Variants in GOLM2 observed in about 807,000 individuals in gnomAD.
The protein encoded by GOLM2 is protein GOLM2.
A neutral mutation model predicts 55.9 loss-of-function variants in GOLM2; 26 were observed. The observed-to-expected ratio is 0.47, with a 90% CI of 0.34 to 0.65. The LOEUF is 0.65. GOLM2 is among the 30% of genes least tolerant of loss of function. GOLM2 has a pLI of 0.01. For missense variants in GOLM2, 486 were observed against 531.8 expected (o/e 0.91, Z 0.85); for synonymous variants, 165 against 194.6 (o/e 0.85, Z 1.27).
intron 1 of GOLM2, among the ~76,000 whole-genome samples, chr15:44,291,306 T>A (rs2078719409): frequency 6.6e-6 from 1 of 152,140 alleles, no homozygotes; most frequent in Non-Finnish European, 1.5e-5. Context: ...TCAGTTTGTT[T>A]CACTTTTTAC....
At chr15:44,350,992 G>A (rs1455864113) in intron 6 of GOLM2, among the ~76,000 whole-genome samples, 2 of 152,058 alleles carry the variant, frequency 1.3e-5, no homozygotes, top group African/African-American at 4.8e-5. Context: ...CATAATAAAA[G>A]CCATATGTGG....
intron 9 of GOLM2, among the ~76,000 whole-genome samples, chr15:44,410,247 G>A (rs2079628622): frequency 6.6e-6 from 1 of 152,034 alleles, no homozygotes; most frequent in Non-Finnish European, 1.5e-5. Flanking sequence ...GACCATCCTG[G>A]CTAACACGGT....
intron 6 of GOLM2, chr15:44,348,616 G>C (rs577483392): frequency 2.0e-5 from 3 of 152,256 alleles, no homozygotes; most frequent in Non-Finnish European, 4.4e-5. Flanking sequence ...CACAAGCCCA[G>C]CTGGCTTCAT....
chr15:44,325,569 C>T (rs759280282), intron 2 of GOLM2, among the ~76,000 whole-genome samples: 20 of 152,166 alleles, frequency 1.3e-4, no homozygotes, highest in South Asian at 6.2e-4. Flanking sequence ...CCCTTTTTCC[C>T]GAGGAGAATG....
At chr15:44,319,303 T>C (rs1203733708) in intron 1 of GOLM2, among the ~76,000 whole-genome samples, 1 of 152,160 alleles carries the variant, frequency 6.6e-6, no homozygotes, top group East Asian at 1.9e-4. Context: ...ACTCCTGACT[T>C]CTGGGCTCAA....
intron 1 of GOLM2, among the ~76,000 whole-genome samples, chr15:44,310,862 C>T (rs1355585065): frequency 1.3e-5 from 2 of 152,124 alleles, no homozygotes; most frequent in East Asian, 1.9e-4. Context: ...ACTAAAAATA[C>T]AAAAATTAGC....
chr15:44,311,667 T>C (rs2078876073), intron 1 of GOLM2, among the ~76,000 whole-genome samples: 1 of 152,142 alleles, frequency 6.6e-6, no homozygotes, highest in Admixed American at 6.5e-5. Flanking sequence ...TGTGTGTGTG[T>C]GTGATGGAGT....
At position 44,329,637 on chromosome 15, in the gene GOLM2, C is replaced by T. The variant is rs370197328; in HGVS notation, c.485+850C>T. 1.2e-4 allele frequency among the ~76,000 whole-genome samples: 19 copies of T among 152,238 alleles called. No individual in the cohort carries two copies. The East Asian group carries it at 3.3e-3, about 26-fold the overall frequency. On this transcript the variant is annotated intron_variant, in intron 3 of 9. Coordinates refer to ENST00000299957, the MANE Select transcript of GOLM2 (RefSeq NM_138423.4). ...ACAGGCTAGGTTATGGTGGTTCACACCTGTAATCCTAACACTTTGGGAGGC... is the reference window on the plus strand; with the variant it reads ...ACAGGCTAGGTTATGGTGGTTCACATCTGTAATCCTAACACTTTGGGAGGC...
intron 6 of GOLM2, among the ~76,000 whole-genome samples, chr15:44,369,072 TATATATATATATATATATATA>T (rs2079308001): frequency 3.7e-5 from 1 of 27,330 alleles, no homozygotes; most frequent in Non-Finnish European, 6.2e-5. Context: ...ATATATTATA[TATATATATATATATATATATA>T]TATATATATA....
chr15:44,382,568 C>T (rs1286570587), intron 8 of GOLM2, among the ~76,000 whole-genome samples: 3 of 152,072 alleles, frequency 2.0e-5, no homozygotes, highest in Non-Finnish European at 4.4e-5. Context: ...CTCAGGTGAT[C>T]CGCCCGCCTC....
chr15:44,356,947 A>T (rs1184373754), intron 6 of GOLM2, among the ~76,000 whole-genome samples: 2 of 152,082 alleles, frequency 1.3e-5, no homozygotes, highest in African/African-American at 4.8e-5. Context: ...AAGGTGGGCA[A>T]ATTGCTTGAG....
At chr15:44,353,593 G>A (rs2079178567) in intron 6 of GOLM2, among the ~76,000 whole-genome samples, 1 of 152,106 alleles carries the variant, frequency 6.6e-6, no homozygotes, top group African/African-American at 2.4e-5. Flanking sequence ...GTACTATTTA[G>A]CCTTAAAAAA....
chr15:44,310,031 A>G (rs549588389), intron 1 of GOLM2, among the ~76,000 whole-genome samples: 45 of 152,122 alleles, frequency 3.0e-4, no homozygotes, highest in African/African-American at 1.1e-3. Context: ...CTACAGGCAA[A>G]TGCCACCATG....
intron 6 of GOLM2, among the ~76,000 whole-genome samples, chr15:44,342,618 AT>A (rs1415314943): frequency 2.0e-5 from 3 of 152,082 alleles, no homozygotes; most frequent in Non-Finnish European, 4.4e-5. Context: ...TTTGATAATC[AT>A]TTTTCATAGC....
At chr15:44,310,498 ACACC>A (rs1555421415) in intron 1 of GOLM2, among the ~76,000 whole-genome samples, 18 of 133,068 alleles carry the variant, frequency 1.4e-4, no homozygotes, top group African/African-American at 5.2e-4. Flanking sequence ...ATACACACAC[ACACC>A]CACACACACA....
intron 6 of GOLM2, among the ~76,000 whole-genome samples, chr15:44,375,044 G>C (rs917807071): frequency 6.6e-6 from 1 of 152,064 alleles, no homozygotes; most frequent in Non-Finnish European, 1.5e-5. Flanking sequence ...TTGAGACAGA[G>C]TCTCCCTCCA....
intron 2 of GOLM2, among the ~76,000 whole-genome samples, chr15:44,324,027 A>G (rs539493128): frequency 1.3e-5 from 2 of 152,242 alleles, no homozygotes; most frequent in East Asian, 3.9e-4. Context: ...ATCTGTGTCC[A>G]TGTTCTCTTT....
At chr15:44,322,622 G>T (rs895077433) in intron 1 of GOLM2, among the ~76,000 whole-genome samples, 3 of 151,956 alleles carry the variant, frequency 2.0e-5, no homozygotes, top group Non-Finnish European at 4.4e-5. Flanking sequence ...TCATGTTTTC[G>T]TATACTTTTA....
chr15:44,380,780 T>A (rs1202318957), intron 7 of GOLM2, 26 bp from the exon 8 acceptor site: 1 of 1,405,894 alleles, frequency 7.1e-7, no homozygotes, highest in Admixed American at 2.6e-5. Context: ...ATTATATTCT[T>A]TTAATTTGAT....
Sources: allele counts gnomAD v4.1 joint callset (sites outside exome capture counted in the v4.1 genomes callset), GRCh38; gene constraint gnomAD v4.1.1; transcripts MANE v1.5; gene names NCBI Gene and HGNC (gene_info 2026-07-23, HGNC 2026-07-21).